Variants in AMD1 observed in about 807,000 individuals in gnomAD.
AMD1 encodes the protein S-adenosylmethionine decarboxylase proenzyme.
A neutral mutation model predicts 40.2 loss-of-function variants in AMD1; 11 were observed. The observed-to-expected ratio is 0.27, with a 90% CI of 0.17 to 0.45. The LOEUF (loss-of-function observed/expected upper bound fraction) is 0.45. Among genes scored for constraint, AMD1 ranks in the 20% least tolerant of loss-of-function variants. The probability of loss-of-function intolerance (pLI) is 1.00; values close to 1 mark genes in which losing one functional copy is unlikely to be tolerated. For missense variants in AMD1, 257 were observed against 410.2 expected, an observed-to-expected ratio of 0.63 and a Z score of 3.23; for synonymous variants, 121 against 130.8, an observed-to-expected ratio of 0.93 and a Z score of 0.51.
the AMD1 span, among the ~76,000 whole-genome samples, chr6:110,822,632 A>G: frequency 6.6e-6 from 1 of 152,226 alleles, no homozygotes; most frequent in Admixed American, 6.5e-5. Context: ...TAAAAAAACA[A>G]TGAAATCTAT....
At chr6:110,867,841 ATTCT>A in the AMD1 span, among the ~76,000 whole-genome samples, 1 of 152,230 alleles carries the variant, frequency 6.6e-6, no homozygotes, top group Non-Finnish European at 1.5e-5. Context: ...CACATTACAA[ATTCT>A]TTGTTTACTG....
chr6:110,840,783 G>C, the AMD1 span, among the ~76,000 whole-genome samples: 1 of 152,036 alleles, frequency 6.6e-6, no homozygotes, highest in African/African-American at 2.4e-5. Context: ...TCCCACTTCA[G>C]GGGGCAAGTG....
the AMD1 span, among the ~76,000 whole-genome samples, chr6:110,825,021 A>G: frequency 6.6e-6 from 1 of 152,228 alleles, no homozygotes; most frequent in Non-Finnish European, 1.5e-5. Flanking sequence ...TGCAATACCC[A>G]GTATAGTAGT....
At chr6:110,859,886 G>A in the AMD1 span, among the ~76,000 whole-genome samples, 1 of 152,180 alleles carries the variant, frequency 6.6e-6, no homozygotes, top group African/African-American at 2.4e-5. Context: ...CTGGAGTGCA[G>A]TGGTGCGATC....
upstream of AMD1, among the ~76,000 whole-genome samples, chr6:110,874,497 T>A (rs1318105509): frequency 1.3e-5 from 2 of 151,400 alleles, no homozygotes; most frequent in Non-Finnish European, 2.9e-5. Context: ...CCTTTCCTCA[T>A]TCCGTTCCCG....
upstream of AMD1, among the ~76,000 whole-genome samples, chr6:110,874,581 C>A (rs1189887761): frequency 6.6e-6 from 1 of 152,220 alleles, no homozygotes; most frequent in Non-Finnish European, 1.5e-5. Flanking sequence ...AACTCCCACT[C>A]AGGAGCCGGC....
At chr6:110,853,977 G>A in the AMD1 span, among the ~76,000 whole-genome samples, 1 of 152,178 alleles carries the variant, frequency 6.6e-6, no homozygotes, top group Non-Finnish European at 1.5e-5. Context: ...TGCTCTCCCA[G>A]CTCTTGTTGG....
chr6:110,849,133 T>C, the AMD1 span, among the ~76,000 whole-genome samples: 2 of 152,218 alleles, frequency 1.3e-5, no homozygotes, highest in African/African-American at 4.8e-5. Context: ...ACAATGACTT[T>C]TTGTTTTAAA....
At position 110,893,807 on chromosome 6, in the gene AMD1, A is replaced by C; in HGVS notation, c.*191A>C. The C allele has an allele frequency of 1.6e-6, 1 of 606,798 alleles. No homozygotes were observed. 37.6% of individuals were successfully genotyped at this position (606,798 alleles called of 1,614,324 possible). ...TATATCAAGGAGTTAGATATCTTGC[A>C]TGAATGCTCTCTTCTGTGTTTAGGT... On this transcript the variant is annotated 3_prime_UTR_variant, in exon 9 of 9. Transcript: ENST00000368885.
chr6:110,869,995 C>T (rs1488798721), upstream of AMD1, among the ~76,000 whole-genome samples: 6 of 152,184 alleles, frequency 3.9e-5, no homozygotes, highest in Non-Finnish European at 7.3e-5. Context: ...AAGCAATCCT[C>T]CCGCCTCAGC....
At chr6:110,841,643 G>A in the AMD1 span, among the ~76,000 whole-genome samples, 1 of 151,616 alleles carries the variant, frequency 6.6e-6, no homozygotes, top group Non-Finnish European at 1.5e-5. Context: ...AGACACAGTA[G>A]CAGGGACAAG....
At chr6:110,853,312 GTTT>G in the AMD1 span, among the ~76,000 whole-genome samples, 3 of 136,892 alleles carry the variant, frequency 2.2e-5, no homozygotes. Flanking sequence ...TGGGTTTTTT[GTTT>G]TTTTTTTTTT....
At chr6:110,830,075 C>T in the AMD1 span, among the ~76,000 whole-genome samples, 5 of 151,922 alleles carry the variant, frequency 3.3e-5, 1 homozygote, top group South Asian at 4.2e-4. Flanking sequence ...AGTGCAGTGG[C>T]GCGATCTCGG....
chr6:110,854,766 C>G, the AMD1 span, among the ~76,000 whole-genome samples: 1 of 152,058 alleles, frequency 6.6e-6, no homozygotes, highest in East Asian at 1.9e-4. Flanking sequence ...GTAATTCTTA[C>G]ATTCTCTGGA....
the AMD1 span, among the ~76,000 whole-genome samples, chr6:110,848,217 A>G: frequency 6.6e-6 from 1 of 151,866 alleles, no homozygotes; most frequent in East Asian, 1.9e-4. Context: ...GATAATAAAG[A>G]TAGCCAAAGA....
At chr6:110,819,979 G>T in the AMD1 span, among the ~76,000 whole-genome samples, 4 of 152,162 alleles carry the variant, frequency 2.6e-5, no homozygotes, top group African/African-American at 9.7e-5. Flanking sequence ...AAATGCCATA[G>T]CAACTTGAGA....
At chr6:110,857,203 G>A in the AMD1 span, among the ~76,000 whole-genome samples, 1 of 151,454 alleles carries the variant, frequency 6.6e-6, no homozygotes, top group East Asian at 2.0e-4. Context: ...CCTATGTCCA[G>A]ATAACAGAAT....
the AMD1 span, among the ~76,000 whole-genome samples, chr6:110,838,600 T>A: frequency 2.0e-4 from 31 of 152,012 alleles, no homozygotes; most frequent in African/African-American, 7.5e-4. Context: ...GGGTCACGCC[T>A]GTAATCCTGG....
At chr6:110,878,398 G>T (rs1462590822) in intron 1 of AMD1, among the ~76,000 whole-genome samples, 3 of 152,148 alleles carry the variant, frequency 2.0e-5, no homozygotes, top group Non-Finnish European at 2.9e-5. Context: ...CTTCCCTCTT[G>T]TAGACCATTT....
Sources: gnomAD v4.1 joint callset for allele counts (sites outside exome capture counted in the v4.1 genomes callset) on GRCh38, gnomAD v4.1.1 for gene constraint, MANE v1.5 for transcripts, NCBI Gene and HGNC (gene_info 2026-07-23, HGNC 2026-07-21) for gene names.